The following C16orf87 variants were observed in gnomAD, a reference collection of about 807,000 sequenced individuals.
C16orf87 encodes the protein UPF0547 protein C16orf87.
C16orf87 carries 13 observed loss-of-function variants against 21.0 expected under a neutral mutation model. That is an observed-to-expected ratio of 0.62 (90% CI 0.40 to 0.98). The LOEUF is 0.98. C16orf87 is among the 50% of genes least tolerant of loss of function. C16orf87 has a pLI of 0.00. For missense variants in C16orf87, 113 were observed against 180.4 expected (o/e 0.63, Z 2.14); for synonymous variants, 49 against 60.2 (o/e 0.81, Z 0.86).
chr16:46,830,296 G>GAGAGAA (rs1322075630), intron 1 of C16orf87, among the ~76,000 whole-genome samples: 4 of 146,562 alleles, frequency 2.7e-5, no homozygotes, highest in Non-Finnish European at 4.5e-5. Context: ...GAGAGAGAGA[G>GAGAGAA]AGAGAGAGAG....
Position 46,803,036 on chromosome 16 carries a change from G to T in C16orf87, c.381C>A (p.Asn127Lys). The stretch of plus-strand genomic sequence containing the variant: ...ACACGAAAGCCTTTTCATCAGACAG[G>T]TTAGCATAGATGTCAATTTCCTTTT... ...KQEKEIDIYA[N>K]LSDEKAFVFS... Residue 127 changes from asparagine (N) to lysine (K), a missense_variant, in exon 4 of 4, where the codon AAC becomes AAA. Coordinates refer to ENST00000285697, the MANE Select transcript of C16orf87 (RefSeq NM_001001436.4). The T allele has an allele frequency of 6.3e-7, 1 of 1,599,586 alleles. No individual in the cohort carries two copies. Among genetic ancestry groups the T allele is most frequent in the Non-Finnish European group, 8.5e-7 (1 of 1,169,606 alleles).
chr16:46,822,528 G>C (rs1258924973), intron 2 of C16orf87, among the ~76,000 whole-genome samples: 1 of 152,138 alleles, frequency 6.6e-6, no homozygotes. Context: ...CCGCCTTTAA[G>C]AACCAGTGAA....
chr16:46,824,610 C>A, intron 1 of C16orf87, 128 bp from the exon 2 acceptor site: 1 of 437,902 alleles, frequency 2.3e-6, no homozygotes, highest in Non-Finnish European at 4.0e-6. Context: ...ATTTAAACCT[C>A]AACTCCTTAC....
intron 3 of C16orf87, among the ~76,000 whole-genome samples, chr16:46,806,255 ATTTT>A (rs765265445): frequency 3.2e-5 from 4 of 125,788 alleles, no homozygotes; most frequent in Admixed American, 1.6e-4. Flanking sequence ...GTCTACATTC[ATTTT>A]TTTTTTTTTT....
At chr16:46,819,214 C>T (rs1959311833) in intron 2 of C16orf87, among the ~76,000 whole-genome samples, 1 of 152,106 alleles carries the variant, frequency 6.6e-6, no homozygotes, top group African/African-American at 2.4e-5. Context: ...ACCTGGACAC[C>T]CTCCACAGTT....
chr16:46,829,583 G>T (rs879694791), intron 1 of C16orf87, among the ~76,000 whole-genome samples: 2 of 152,060 alleles, frequency 1.3e-5, no homozygotes, highest in Non-Finnish European at 2.9e-5. Context: ...TGGAATAATT[G>T]GAAATGATTT....
chr16:46,816,864 C>T (rs181835303), intron 2 of C16orf87, among the ~76,000 whole-genome samples: 3 of 152,296 alleles, frequency 2.0e-5, no homozygotes, highest in East Asian at 3.9e-4. Context: ...CCCTTTGTCT[C>T]TCTGCTCTTC....
chr16:46,825,885 G>C (rs550042296), intron 1 of C16orf87, among the ~76,000 whole-genome samples: 1 of 147,930 alleles, frequency 6.8e-6, no homozygotes, highest in African/African-American at 2.5e-5. Flanking sequence ...TTGCACTCTA[G>C]CCTGGGCAAC....
At chr16:46,810,299 A>G (rs1174192055) in intron 2 of C16orf87, among the ~76,000 whole-genome samples, 2 of 152,166 alleles carry the variant, frequency 1.3e-5, no homozygotes, top group Non-Finnish European at 2.9e-5. Flanking sequence ...CAAGTGAGTA[A>G]TTTTCACTTT....
rs777628189 is a variant in C16orf87, at chr16:46,803,064, T to C, written c.353A>G (p.Gln118Arg). 1.7e-5 allele frequency: 26 copies of C among 1,533,052 alleles called. No individual in the cohort carries two copies. Among genetic ancestry groups the C allele is most frequent in the Admixed American group, 3.6e-5 (2 of 55,344 alleles). The allele number at this position is 1,533,052 out of a possible 1,614,324, so 95.0% of individuals were successfully genotyped here. A position where few individuals can be genotyped will look rare whatever the true frequency, so the allele number is the denominator to read the frequency against. Reference protein sequence around the residue: ...AKKHEEEREKQEKEIDIYANL... With the variant: ...AKKHEEEREKREKEIDIYANL... The stretch of plus-strand genomic sequence containing the variant: ...AGCATAGATGTCAATTTCCTTTTCC[T>C]GTTTCTCTGTTAAAAGAAAAAGGGA... Residue 118 changes from glutamine (Q) to arginine (R), a missense_variant, in exon 4 of 4, where the codon CAG becomes CGG. By Grantham distance (43) the Gln-to-Arg change is conservative. Coordinates refer to ENST00000285697, the MANE Select transcript of C16orf87 (RefSeq NM_001001436.4).
At chr16:46,823,252 T>C (rs998570838) in intron 2 of C16orf87, among the ~76,000 whole-genome samples, 6 of 152,156 alleles carry the variant, frequency 3.9e-5, no homozygotes, top group Non-Finnish European at 7.4e-5. Flanking sequence ...TCACTGTCTA[T>C]CTCCCACCCA....
At chr16:46,809,019 CAAAA>C (rs776311594) in intron 3 of C16orf87, among the ~76,000 whole-genome samples, 2 of 51,552 alleles carry the variant, frequency 3.9e-5, no homozygotes. Flanking sequence ...CTTTAAAAGA[CAAAA>C]AAAAAAAAAA....
intron 2 of C16orf87, among the ~76,000 whole-genome samples, chr16:46,813,623 G>A (rs1201028494): frequency 6.6e-6 from 1 of 152,056 alleles, no homozygotes; most frequent in African/African-American, 2.4e-5. Flanking sequence ...GTCTCATGAT[G>A]CTCAAGCTCA....
intron 2 of C16orf87, among the ~76,000 whole-genome samples, chr16:46,819,540 C>G (rs1959323788): frequency 6.6e-6 from 1 of 151,198 alleles, no homozygotes; most frequent in Admixed American, 6.6e-5. Flanking sequence ...AAACTCCTGA[C>G]CTCAGATGAT....
At chr16:46,824,854 T>C (rs1184688158) in intron 1 of C16orf87, among the ~76,000 whole-genome samples, 1 of 151,850 alleles carries the variant, frequency 6.6e-6, no homozygotes, top group East Asian at 1.9e-4. Context: ...TTAGTAGAGA[T>C]GGGGTTTTAC....
chr16:46,828,004 G>A (rs188415560), intron 1 of C16orf87, among the ~76,000 whole-genome samples: 13 of 151,264 alleles, frequency 8.6e-5, no homozygotes, highest in Admixed American at 4.0e-4. Flanking sequence ...GTGCGATCTC[G>A]GCTCACTGCA....
At chr16:46,807,728 C>T (rs1176933291) in intron 3 of C16orf87, among the ~76,000 whole-genome samples, 1 of 152,042 alleles carries the variant, frequency 6.6e-6, no homozygotes, top group African/African-American at 2.4e-5. Context: ...TAATTTCCTA[C>T]AATTTGTATC....
intron 3 of C16orf87, among the ~76,000 whole-genome samples, chr16:46,809,286 C>CAA (rs568256911): frequency 3.3e-5 from 4 of 122,982 alleles, no homozygotes; most frequent in Non-Finnish European, 5.2e-5. Context: ...CACGCTGTCT[C>CAA]AAAAAAAAAA....
chr16:46,808,126 T>G, intron 3 of C16orf87: 1 of 455,732 alleles, frequency 2.2e-6, no homozygotes, highest in Middle Eastern at 3.3e-4. Flanking sequence ...GGCATAGGTT[T>G]TCTGCACCCT....
Sources: gnomAD v4.1 joint callset for allele counts (sites outside exome capture counted in the v4.1 genomes callset) on GRCh38, gnomAD v4.1.1 for gene constraint, MANE v1.5 for transcripts, NCBI Gene and HGNC (gene_info 2026-07-23, HGNC 2026-07-21) for gene names.